The following ARSJ variants were observed in gnomAD, a reference collection of about 807,000 sequenced individuals.
ARSJ encodes arylsulfatase family member J.
A neutral mutation model predicts 35.9 loss-of-function variants in ARSJ; 26 were observed. The ratio of observed to expected loss-of-function variants is 0.72; its 90% CI spans 0.53 to 1.00. ARSJ has a LOEUF of 1.00. ARSJ is among the 50% of genes least tolerant of loss of function. The pLI, the probability that ARSJ is intolerant of heterozygous loss-of-function variation, is 0.00. For synonymous variants in ARSJ, 294 were observed against 267.6 expected (o/e 1.10, Z -0.96); for missense variants, 667 against 723.6 (o/e 0.92, Z 0.90).
At chr4:113,963,093 A>G (rs1726662557) in intron 1 of ARSJ, among the ~76,000 whole-genome samples, 2 of 151,674 alleles carry the variant, frequency 1.3e-5, no homozygotes, top group South Asian at 4.1e-4. Context: ...TGTCCTCTCA[A>G]TTTCTGTGAC....
At chr4:113,975,160 C>A (rs908113053) in intron 1 of ARSJ, among the ~76,000 whole-genome samples, 28 of 152,146 alleles carry the variant, frequency 1.8e-4, no homozygotes, top group African/African-American at 6.7e-4. Flanking sequence ...GTGAGGGATA[C>A]CAGTTGGGTA....
At chr4:113,940,477 T>C (rs1725079366) in intron 1 of ARSJ, among the ~76,000 whole-genome samples, 1 of 151,942 alleles carries the variant, frequency 6.6e-6, no homozygotes, top group East Asian at 1.9e-4. Flanking sequence ...CAACACACAC[T>C]GGGACCTATA....
At chr4:113,932,617 AAAGAAGAAATT>A (rs1418390534) in intron 1 of ARSJ, among the ~76,000 whole-genome samples, 2 of 152,100 alleles carry the variant, frequency 1.3e-5, no homozygotes, top group Non-Finnish European at 2.9e-5. Flanking sequence ...CCAGTGGGTC[AAAGAAGAAATT>A]AAGAAGAAAC....
intron 1 of ARSJ, among the ~76,000 whole-genome samples, chr4:113,904,824 T>C (rs1334035066): frequency 6.6e-6 from 1 of 152,190 alleles, no homozygotes; most frequent in Non-Finnish European, 1.5e-5. Context: ...TGAAACGAGA[T>C]AGAGGTTTCT....
At chr4:113,977,975 A>G (rs13103617) in intron 1 of ARSJ, among the ~76,000 whole-genome samples, 3 of 152,184 alleles carry the variant, frequency 2.0e-5, no homozygotes, top group Non-Finnish European at 2.9e-5. Flanking sequence ...ACATTACTCT[A>G]TATCTGTTTC....
At chr4:113,966,410 A>G (rs923428561) in intron 1 of ARSJ, among the ~76,000 whole-genome samples, 1 of 152,176 alleles carries the variant, frequency 6.6e-6, no homozygotes, top group Admixed American at 6.5e-5. Flanking sequence ...GGAGGAAAAA[A>G]GTGGCTTGGG....
intron 1 of ARSJ, among the ~76,000 whole-genome samples, chr4:113,956,187 G>A (rs1237666824): frequency 3.3e-5 from 5 of 151,956 alleles, no homozygotes; most frequent in African/African-American, 1.2e-4. Flanking sequence ...TTTTGAAAGC[G>A]AAAGCAAGCT....
chr4:113,905,389 A>C (rs909533795), intron 1 of ARSJ, among the ~76,000 whole-genome samples: 1 of 152,146 alleles, frequency 6.6e-6, no homozygotes, highest in Non-Finnish European at 1.5e-5. Context: ...ATTTATTTTT[A>C]ATGTTTTAAT....
At chr4:113,924,373 G>A (rs1360724114) in intron 1 of ARSJ, among the ~76,000 whole-genome samples, 1 of 151,724 alleles carries the variant, frequency 6.6e-6, no homozygotes, top group Non-Finnish European at 1.5e-5. Flanking sequence ...CCAGATTAAG[G>A]GTGGGTCGGT....
At chr4:113,922,814 G>T (rs1242996578) in intron 1 of ARSJ, among the ~76,000 whole-genome samples, 1 of 152,052 alleles carries the variant, frequency 6.6e-6, no homozygotes, top group East Asian at 1.9e-4. Context: ...GCAATTTGTT[G>T]TACTACATAC....
At chr4:113,925,603 T>C (rs4401517) in intron 1 of ARSJ, among the ~76,000 whole-genome samples, 109,901 of 151,984 alleles carry the variant, frequency 0.72, 40,287 homozygotes, top group East Asian at 0.81. Context: ...CCAGTGAATT[T>C]CACGAGCATG....
At chr4:113,961,933 G>C (rs1481696588) in intron 1 of ARSJ, among the ~76,000 whole-genome samples, 3 of 59,974 alleles carry the variant, frequency 5.0e-5, no homozygotes, top group Admixed American at 3.5e-4. Flanking sequence ...GTGTGTGTGT[G>C]TGTGTGTGTA....
At chr4:113,958,668 G>A (rs1213939359) in intron 1 of ARSJ, among the ~76,000 whole-genome samples, 1 of 152,008 alleles carries the variant, frequency 6.6e-6, no homozygotes, top group East Asian at 1.9e-4. Context: ...CTTAAGGCAT[G>A]GAAGGTTGGG....
At chr4:113,974,638 C>A (rs1460443280) in intron 1 of ARSJ, among the ~76,000 whole-genome samples, 1 of 151,980 alleles carries the variant, frequency 6.6e-6, no homozygotes, top group Non-Finnish European at 1.5e-5. Flanking sequence ...TGCATAATGA[C>A]CAGAGTGGCT....
intron 1 of ARSJ, among the ~76,000 whole-genome samples, chr4:113,913,686 CA>C (rs1465104967): frequency 2.6e-5 from 4 of 152,060 alleles, no homozygotes; most frequent in African/African-American, 9.7e-5. Context: ...CCCACACTGC[CA>C]AAATAATATT....
At chr4:113,943,949 T>C (rs1171555131) in intron 1 of ARSJ, among the ~76,000 whole-genome samples, 1 of 152,026 alleles carries the variant, frequency 6.6e-6, no homozygotes, top group Non-Finnish European at 1.5e-5. Context: ...TTGGATTTTA[T>C]TCTCATTGAA....
At chr4:113,945,288 T>C (rs116297743) in intron 1 of ARSJ, among the ~76,000 whole-genome samples, 3,616 of 152,106 alleles carry the variant, frequency 0.024, 155 homozygotes, top group African/African-American at 0.081. Flanking sequence ...GTGTGTGCCA[T>C]CACACCCAGC....
chr4:113,941,676 A>T (rs1453778690), intron 1 of ARSJ, among the ~76,000 whole-genome samples: 5 of 152,072 alleles, frequency 3.3e-5, no homozygotes, highest in Non-Finnish European at 5.9e-5. Flanking sequence ...AGAAACAAAA[A>T]TAAACATACA....
chr4:113,904,477 T>A (rs1240414273), intron 1 of ARSJ, among the ~76,000 whole-genome samples: 1 of 151,208 alleles, frequency 6.6e-6, no homozygotes, highest in Non-Finnish European at 1.5e-5. Context: ...TGTTTGATTG[T>A]AAAACAATAG....
Sources: gnomAD v4.1 joint callset for allele counts (sites outside exome capture counted in the v4.1 genomes callset) on GRCh38, gnomAD v4.1.1 for gene constraint, MANE v1.5 for transcripts, NCBI Gene and HGNC (gene_info 2026-07-23, HGNC 2026-07-21) for gene names.